The following RSPH4A variants were observed in gnomAD, a reference collection of about 807,000 sequenced individuals.
RSPH4A encodes radial spoke head protein 4 homolog A.
Under a neutral mutation model 71.0 loss-of-function variants are expected in RSPH4A, and 47 were observed. The observed-to-expected ratio is 0.66, with a 90% CI of 0.52 to 0.84. The LOEUF (loss-of-function observed/expected upper bound fraction) is 0.84. Ranked by LOEUF, RSPH4A falls within the 40% of genes least tolerant of loss-of-function variation. The pLI is 0.00. For synonymous variants in RSPH4A, 282 were observed against 302.3 expected (o/e 0.93, Z 0.70); for missense variants, 793 against 855.2 (o/e 0.93, Z 0.91).
chr6:116,630,517 C>A lies in RSPH4A; in HGVS notation c.1881C>A (p.Asn627Lys), dbSNP rs1176590941. The change falls in exon 5 of 6, where the codon AAC becomes AAA. Residue 627 changes from asparagine (N) to lysine (K), a missense_variant. By Grantham distance (94) the Asn-to-Lys change is moderately conservative. Transcript: ENST00000229554. The stretch of plus-strand genomic sequence containing the variant: ...ATGCTATTGCAGTCCTTCAATCCAA[C>A]CTTTGGCCTGGAGCATATGCCTTCT... ...PQYAIAVLQS[N>K]LWPGAYAFSN... is the part of the protein sequence containing the mutation. 9.3e-6 allele frequency: 15 copies of A among 1,606,342 alleles called. No homozygotes were observed. Among genetic ancestry groups the A allele is most frequent in the Non-Finnish European group, 1.0e-5 (12 of 1,173,184 alleles).
rs1554248617 is a variant in RSPH4A at position 116,622,771 on chromosome 6, T to C, written c.690T>C (p.Tyr230=). Residue 230 remains tyrosine (Y), a synonymous_variant, in exon 2 of 6, where the codon TAT becomes TAC. Coordinates refer to ENST00000229554, the MANE Select transcript of RSPH4A (RefSeq NM_001010892.3). ...KTSSNSGFNL[Y]DHLSNMLTKI... ...GGAATTTTCTCTGTTTGGATAGATA[T>C]GATCATCTTTCTAATATGTTGACCA... 9 of 1,575,802 alleles carry C rather than the reference T, an allele frequency of 5.7e-6. No homozygotes were observed. Among genetic ancestry groups the C allele is most frequent in the Non-Finnish European group, 7.9e-6 (9 of 1,145,666 alleles).
rs759164778 is a variant in RSPH4A at position 116,628,325 on chromosome 6, TC to T, written c.1621del (p.Leu541TyrfsTer43). 6.2e-7 allele frequency: 1 copy of T among 1,612,772 alleles called. No homozygotes were observed. Among genetic ancestry groups the T allele is most frequent in the Non-Finnish European group, 8.5e-7 (1 of 1,179,702 alleles). Reference sequence around the variant, plus strand: ...CATCCAAGTGATTGATCTAGTAGAATCCCTATCCAATTGGGTTCATCATGTA... The same window carrying T: ...CATCCAAGTGATTGATCTAGTAGAATCCTATCCAATTGGGTTCATCATGTA... ...EGIQVIDLVE[S>X]LSNWVHHVQH... is the part of the protein sequence containing the mutation. On this transcript the variant is annotated frameshift_variant, in exon 3 of 6. Transcript: ENST00000229554. LOFTEE classifies it high-confidence loss of function.
Position 116,629,494 on chromosome 6 carries a change from A to G in RSPH4A, c.1663-73A>G, listed in dbSNP as rs1158825737. On this transcript the variant is annotated intron_variant, in intron 3 of 5. Transcript: ENST00000229554. ...TCCCACAGAGTTACACTTCATCCTG[A>G]TCAATTCAAATGAATAATCTGAAAT... The G allele has an allele frequency of 4.9e-6, 7 of 1,421,492 alleles. No homozygotes were observed. In the East Asian group the frequency reaches 1.1e-4, roughly 23 times the overall value. 88.1% of individuals were successfully genotyped at this position (1,421,492 alleles called of 1,614,324 possible). A position where few individuals can be genotyped will look rare whatever the true frequency, so the allele number is the denominator to read the frequency against.
chr6:116,619,155 T>C (rs1215278551), intron 1 of RSPH4A, among the ~76,000 whole-genome samples: 1 of 152,226 alleles, frequency 6.6e-6, no homozygotes, highest in African/African-American at 2.4e-5. Context: ...CTCTTGGGCC[T>C]TTTATGGATA....
chr6:116,623,431 C>A (rs1352798734), intron 2 of RSPH4A, among the ~76,000 whole-genome samples: 1 of 152,094 alleles, frequency 6.6e-6, no homozygotes, highest in Non-Finnish European at 1.5e-5. Flanking sequence ...TTTAAAAATT[C>A]TTCAAGTCCT....
At chr6:116,631,385 T>C (rs925779633) in intron 5 of RSPH4A, among the ~76,000 whole-genome samples, 1 of 152,072 alleles carries the variant, frequency 6.6e-6, no homozygotes, top group Non-Finnish European at 1.5e-5. Flanking sequence ...TGTTCCATTT[T>C]CCCCCATGGA....
intron 2 of RSPH4A, among the ~76,000 whole-genome samples, chr6:116,623,203 A>G (rs1313853994): frequency 6.6e-6 from 1 of 152,032 alleles, no homozygotes; most frequent in Non-Finnish European, 1.5e-5. Flanking sequence ...GGGTCAAGCA[A>G]TTCTCCTGAG....
chr6:116,632,530 T>C lies in RSPH4A; in HGVS notation c.*89T>C, dbSNP rs1775824698. 2.7e-6 allele frequency: 4 copies of C among 1,488,406 alleles called. No homozygotes were observed. In the South Asian group the frequency reaches 5.0e-5, roughly 19 times the overall value. The allele number at this position is 1,488,406 out of a possible 1,614,324, so 92.2% of individuals were successfully genotyped here. A position where few individuals can be genotyped will look rare whatever the true frequency, so the allele number is the denominator to read the frequency against. On this transcript the variant is annotated 3_prime_UTR_variant, in exon 6 of 6. Transcript: ENST00000229554. ...ATTTTACACTTTTCTGTGTTATGTGTGTATATACATACACATGTAAGAAAT... is the reference window on the plus strand; with the variant it reads ...ATTTTACACTTTTCTGTGTTATGTGCGTATATACATACACATGTAAGAAAT...
Position 116,616,536 on chromosome 6 carries a change from A to G in RSPH4A, c.-88A>G, listed in dbSNP as rs780704629. ...CCAGGACCCAGAAATCGCTTAAGAG[A>G]CCGCGGCAAAGTAACTTAACTGAGT... is the stretch of plus-strand genomic sequence containing the variant. On this transcript the variant is annotated 5_prime_UTR_variant, in exon 1 of 6. Transcript: ENST00000229554. 5.0e-5 allele frequency: 59 copies of G among 1,176,844 alleles called. No homozygotes were observed. Among genetic ancestry groups the G allele is most frequent in the Admixed American group, 7.9e-5 (4 of 50,504 alleles). The allele number at this position is 1,176,844 out of a possible 1,614,324, so 72.9% of individuals were successfully genotyped here.
In RSPH4A at chr6:116,629,556, T is replaced by C. The variant is rs781332027; in HGVS notation, c.1663-11T>C. The C allele has an allele frequency of 1.2e-6, 2 of 1,612,404 alleles. No homozygotes were observed. The highest frequency in any genetic ancestry group is 1.7e-6 in the Non-Finnish European group (2 of 1,178,686). On this transcript the variant is annotated splice_polypyrimidine_tract_variant and intron_variant, in intron 3 of 5. Transcript: ENST00000229554. Reference sequence around the variant, plus strand: ...CATTAGACTACTAAATCTTGCAACATTCATTCCCAGGGTCGCTGTAATTGG... The same window carrying C: ...CATTAGACTACTAAATCTTGCAACACTCATTCCCAGGGTCGCTGTAATTGG...
chr6:116,618,734 A>G (rs967761668), intron 1 of RSPH4A, among the ~76,000 whole-genome samples: 2 of 152,238 alleles, frequency 1.3e-5, no homozygotes, highest in African/African-American at 4.8e-5. Flanking sequence ...CCTATCCACA[A>G]GCAAGCAATC....
intron 1 of RSPH4A, among the ~76,000 whole-genome samples, chr6:116,620,544 G>A (rs1775586730): frequency 6.6e-6 from 1 of 152,080 alleles, no homozygotes; most frequent in Admixed American, 6.5e-5. Context: ...GGAAAGAATT[G>A]CTTCCTCCTT....
rs758997589 is a variant in RSPH4A at position 116,627,796 on chromosome 6, A to C, written c.1089A>C (p.Glu363Asp). 5.0e-6 allele frequency: 8 copies of C among 1,614,030 alleles called. No homozygotes were observed. The highest frequency in any genetic ancestry group is 6.8e-6 in the Non-Finnish European group (8 of 1,180,030). The change falls in exon 3 of 6, where the codon GAA becomes GAC. Residue 363 changes from glutamate to aspartate, a missense_variant. Transcript: ENST00000229554. ...CRFWGKILGL[E>D]MNYIVAEVEF... Reference sequence around the variant, plus strand: ...TCTGGGGAAAGATCTTGGGTCTGGAAATGAATTATATTGTAGCTGAAGTGG... The same window carrying C: ...TCTGGGGAAAGATCTTGGGTCTGGACATGAATTATATTGTAGCTGAAGTGG...
At chr6:116,630,318 T>A (rs545784925) in intron 4 of RSPH4A, 117 bp from the exon 5 acceptor site, 1 of 759,210 alleles carries the variant, frequency 1.3e-6, no homozygotes. Context: ...GTATCAAGTA[T>A]GTGTGTATCT....
intron 1 of RSPH4A, 98 bp from the exon 2 acceptor site, chr6:116,622,670 G>A (rs571921710): frequency 8.8e-6 from 7 of 796,736 alleles, no homozygotes; most frequent in South Asian, 4.5e-5. Context: ...TTCATTTAAC[G>A]TCTATATTTA....
chr6:116,617,411 T>C (rs1286037607), intron 1 of RSPH4A, 102 bp downstream of exon 1: 2 of 810,284 alleles, frequency 2.5e-6, no homozygotes, highest in Non-Finnish European at 3.9e-6. Flanking sequence ...AAAATATATT[T>C]GAAAGATTGT....
At chr6:116,624,970 G>A (rs1438420835) in intron 2 of RSPH4A, among the ~76,000 whole-genome samples, 1 of 152,186 alleles carries the variant, frequency 6.6e-6, no homozygotes, top group Non-Finnish European at 1.5e-5. Context: ...GGCTTTGGAG[G>A]TAGCCAGATC....
intron 2 of RSPH4A, among the ~76,000 whole-genome samples, chr6:116,625,801 G>T (rs578086381): frequency 6.6e-6 from 1 of 152,260 alleles, no homozygotes; most frequent in Non-Finnish European, 1.5e-5. Flanking sequence ...CGAAGAAAGA[G>T]TACATAGAAA....
intron 1 of RSPH4A, among the ~76,000 whole-genome samples, chr6:116,617,781 G>C (rs2115352222): frequency 6.6e-6 from 1 of 152,238 alleles, no homozygotes. Flanking sequence ...GCTGAGCGCT[G>C]AAAGTTCTTT....
Sources: allele counts gnomAD v4.1 joint callset (sites outside exome capture counted in the v4.1 genomes callset), GRCh38; gene constraint gnomAD v4.1.1; transcripts MANE v1.5; gene names NCBI Gene and HGNC (gene_info 2026-07-23, HGNC 2026-07-21).